LAMC1: variants seen among roughly 807,000 people sequenced by gnomAD.
LAMC1 encodes laminin subunit gamma-1.
A neutral mutation model predicts 173.6 loss-of-function variants in LAMC1; 38 were observed. The ratio of observed to expected loss-of-function variants is 0.22; its 90% CI spans 0.17 to 0.29. The LOEUF is 0.29. LAMC1 is among the 10% of genes least tolerant of loss of function. LAMC1 has a pLI of 1.00. For synonymous variants in LAMC1, 746 were observed against 749.1 expected (o/e 1.00, Z 0.07); for missense variants, 1,824 against 2,051.8 (o/e 0.89, Z 2.14).
At chr1:183,106,645 C>T (rs578081110) in intron 2 of LAMC1, among the ~76,000 whole-genome samples, 2 of 152,180 alleles carry the variant, frequency 1.3e-5, no homozygotes, top group African/African-American at 4.8e-5. Flanking sequence ...AATGGAAATG[C>T]TGTCTTTGAG....
At chr1:183,040,126 C>T (rs1413174945) in intron 1 of LAMC1, among the ~76,000 whole-genome samples, 1 of 152,196 alleles carries the variant, frequency 6.6e-6, no homozygotes, top group Non-Finnish European at 1.5e-5. Context: ...TCTGAGTCAG[C>T]AGCCTTTTAA....
chr1:183,088,406 G>A (rs1016159617), intron 1 of LAMC1, among the ~76,000 whole-genome samples: 6 of 152,168 alleles, frequency 3.9e-5, no homozygotes, highest in African/African-American at 1.4e-4. Context: ...TCAATTTAGT[G>A]AGCTATAACC....
At chr1:183,112,021 AGAGT>A (rs1322684245) in intron 4 of LAMC1, among the ~76,000 whole-genome samples, 1 of 152,238 alleles carries the variant, frequency 6.6e-6, no homozygotes, top group Admixed American at 6.5e-5. Flanking sequence ...CCTGGGCAAC[AGAGT>A]GAGACTCCGT....
rs775856548 is a variant in LAMC1, at chr1:183,132,519, T to C, written c.3686T>C (p.Ile1229Thr). Residue 1229 changes from isoleucine (I) to threonine (T), a missense_variant, in exon 21 of 28, where the codon ATT (isoleucine) becomes ACT (threonine). By Grantham distance (89) the Ile-to-Thr change is moderately conservative. Coordinates refer to ENST00000258341, the MANE Select transcript of LAMC1 (RefSeq NM_002293.4). Reference sequence around the variant, plus strand: ...GGAGAAAATCAAACAGCATTTGAGATTGAAGAGCTTAATAGGAAGTGAGTA... The same window carrying C: ...GGAGAAAATCAAACAGCATTTGAGACTGAAGAGCTTAATAGGAAGTGAGTA... ...LAGENQTAFE[I>T]EELNRKYEQA... 4 of 1,613,756 alleles carry C rather than the reference T, an allele frequency of 2.5e-6. No homozygotes were observed. The highest frequency in any genetic ancestry group is 2.2e-5 in the East Asian group (1 of 44,882).
At chr1:183,138,036 A>G (rs1656997393) in intron 26 of LAMC1, 1 of 530,724 alleles carries the variant, frequency 1.9e-6, no homozygotes, top group Non-Finnish European at 2.9e-6. Context: ...TCCTGTCCCA[A>G]AGTTACTCAG....
At position 183,140,512 on chromosome 1, in the gene LAMC1, C is replaced by A. The variant is rs199552224; in HGVS notation, c.4573+9C>A. ...CCTCTTGGAGCAGCTGGGTACGTAG[C>A]CATAGAGTCATTTTTGTCAGTCTCT... On this transcript the variant is annotated intron_variant, in intron 27 of 27. Coordinates refer to ENST00000258341, the MANE Select transcript of LAMC1 (RefSeq NM_002293.4). 2.7e-5 allele frequency: 42 copies of A among 1,573,744 alleles called. No individual in the cohort carries two copies. The highest frequency in any genetic ancestry group is 3.4e-5 in the Non-Finnish European group (39 of 1,144,910).
At position 183,114,714 on chromosome 1, in the gene LAMC1, C is replaced by T; in HGVS notation, c.1205C>T (p.Pro402Leu). 1.2e-6 allele frequency: 2 copies of T among 1,613,494 alleles called. No individual in the cohort carries two copies. The highest frequency in any genetic ancestry group is 1.7e-6 in the Non-Finnish European group (2 of 1,179,550). Reference sequence around the variant, plus strand: ...GCCTGCTCTTCATGCCACTGTAGTCCTGTGGGTAAGTGACAGGAAGATGGA... The same window carrying T: ...GCCTGCTCTTCATGCCACTGTAGTCTTGTGGGTAAGTGACAGGAAGATGGA... The part of the protein sequence containing the change: ...NEACSSCHCS[P>L]VGSLSTQCDS... The change falls in exon 5 of 28, where the codon CCT becomes CTT. Residue 402 changes from proline (P) to leucine (L), a missense_variant. Transcript: ENST00000258341.
At chr1:183,138,417 CTT>C (rs1657009333) in intron 26 of LAMC1, 2 of 153,144 alleles carry the variant, frequency 1.3e-5, no homozygotes, top group Admixed American at 6.5e-5. Flanking sequence ...TTTGAAAAGA[CTT>C]TAATGGAGTC....
At chr1:183,141,839 C>G (rs1345623942) in intron 27 of LAMC1, among the ~76,000 whole-genome samples, 1 of 152,204 alleles carries the variant, frequency 6.6e-6, no homozygotes, top group African/African-American at 2.4e-5. Context: ...TATTTAACAT[C>G]TGAGAATCAC....
Position 183,136,407 on chromosome 1 carries a change from A to G in LAMC1, c.4136A>G (p.Asp1379Gly). Residue 1379 changes from aspartate to glycine, a missense_variant, in exon 25 of 28, where the codon GAT (aspartate) becomes GGT (glycine). By Grantham distance (94) the Asp-to-Gly change is moderately conservative. Transcript: ENST00000258341. ...TCAGATTTTGATAGGCGTGTGAACG[A>G]TAACAAGACGGCCGCAGAGGAGGCA... is the stretch of plus-strand genomic sequence containing the variant. Reference protein sequence around the residue: ...NLKDFDRRVNDNKTAAEEALR... With the variant: ...NLKDFDRRVNGNKTAAEEALR... 1 of 1,614,210 alleles carries G rather than the reference A, an allele frequency of 6.2e-7. No individual in the cohort carries two copies. Among genetic ancestry groups the G allele is most frequent in the Non-Finnish European group, 8.5e-7 (1 of 1,180,034 alleles).
chr1:183,061,884 T>A (rs921801912), intron 1 of LAMC1, among the ~76,000 whole-genome samples: 1 of 152,236 alleles, frequency 6.6e-6, no homozygotes, highest in African/African-American at 2.4e-5. Context: ...ATATTAATAA[T>A]CTAGTAAGGC....
chr1:183,116,738 GTAAC>G (rs1390901307), intron 7 of LAMC1, 25 bp from the exon 8 acceptor site: 2 of 1,610,846 alleles, frequency 1.2e-6, no homozygotes, highest in African/African-American at 1.3e-5. Flanking sequence ...TAAAAAAAAA[GTAAC>G]TGATTGTGTC....
intron 14 of LAMC1, 48 bp downstream of exon 14, chr1:183,124,924 T>A: frequency 6.3e-7 from 1 of 1,597,116 alleles, no homozygotes; most frequent in Non-Finnish European, 8.6e-7. Context: ...GCCCCTTTAT[T>A]GTGAGAATTC....
Position 183,128,687 on chromosome 1 carries a change from G to A in LAMC1, c.3217G>A (p.Asp1073Asn). ...DEMVTDQAFE[D>N]RLKEAEREVM... ...GATGGTGACAGATCAAGCCTTCGAG[G>A]ATAGACTAAAGGAAGCAGAGAGGGA... is the stretch of plus-strand genomic sequence containing the variant. Residue 1073 changes from aspartate (D) to asparagine (N), a missense_variant, in exon 18 of 28, where the codon GAT becomes AAT. Physicochemically the swap from Asp to Asn is conservative, Grantham distance 23. Coordinates refer to ENST00000258341, the MANE Select transcript of LAMC1 (RefSeq NM_002293.4). The A allele has an allele frequency of 2.5e-6, 4 of 1,613,794 alleles. No individual in the cohort carries two copies. Among genetic ancestry groups the A allele is most frequent in the Non-Finnish European group, 2.5e-6 (3 of 1,179,756 alleles).
intron 1 of LAMC1, among the ~76,000 whole-genome samples, chr1:183,069,160 T>G (rs1401500001): frequency 6.6e-6 from 1 of 152,176 alleles, no homozygotes; most frequent in Non-Finnish European, 1.5e-5. Context: ...GTGAATGGTT[T>G]TAGGTTCATT....
At chr1:183,120,737 T>C (rs538869034) in intron 11 of LAMC1, among the ~76,000 whole-genome samples, 6 of 152,206 alleles carry the variant, frequency 3.9e-5, no homozygotes, top group African/African-American at 2.4e-5. Context: ...TGATTTCTTA[T>C]AGAAATGGAA....
At chr1:183,131,180 A>G in intron 19 of LAMC1, 119 bp from the exon 20 acceptor site, 1 of 663,336 alleles carries the variant, frequency 1.5e-6, no homozygotes. Context: ...CTCAAAAAAA[A>G]AAAAAAAAAA....
chr1:183,118,829 G>C (rs1320230644), intron 11 of LAMC1, among the ~76,000 whole-genome samples: 1 of 151,794 alleles, frequency 6.6e-6, no homozygotes, highest in Non-Finnish European at 1.5e-5. Context: ...TGAGCCATTG[G>C]TTAAATTATT....
chr1:183,037,417 C>A (rs1654011211), intron 1 of LAMC1, among the ~76,000 whole-genome samples: 1 of 152,172 alleles, frequency 6.6e-6, no homozygotes, highest in Non-Finnish European at 1.5e-5. Flanking sequence ...CATTCTAGTT[C>A]TTTCCTTCTC....
Sources: gnomAD v4.1 joint callset for allele counts (sites outside exome capture counted in the v4.1 genomes callset) on GRCh38, gnomAD v4.1.1 for gene constraint, MANE v1.5 for transcripts, NCBI Gene and HGNC (gene_info 2026-07-23, HGNC 2026-07-21) for gene names.